The following COCH variants were observed in gnomAD, a reference collection of about 807,000 sequenced individuals.
The protein encoded by COCH is cochlin.
Under a neutral mutation model 54.8 loss-of-function variants are expected in COCH, and 40 were observed. The ratio of observed to expected loss-of-function variants is 0.73; its 90% CI spans 0.57 to 0.95. The LOEUF (loss-of-function observed/expected upper bound fraction) is 0.95. Among genes scored for constraint, COCH ranks in the 40% least tolerant of loss-of-function variants. The pLI is 0.00. For missense variants in COCH, 605 were observed against 675.0 expected (o/e 0.90, Z 1.15); for synonymous variants, 256 against 237.9 (o/e 1.08, Z -0.70).
downstream of COCH, chr14:30,894,800 G>A (rs1896083218): frequency 6.4e-6 from 2 of 311,304 alleles, no homozygotes; most frequent in Non-Finnish European, 5.6e-6. Context: ...GTTGTGACAG[G>A]CTAAATATAT....
intron 3 of COCH, chr14:30,875,939 G>C (rs1433830058): frequency 2.0e-5 from 3 of 152,114 alleles, no homozygotes; most frequent in South Asian, 2.1e-4. Context: ...TTAGGGGTAA[G>C]GATTTTAACC....
downstream of COCH, chr14:30,894,050 C>T (rs1318129784): frequency 2.0e-5 from 3 of 152,376 alleles, no homozygotes; most frequent in Non-Finnish European, 4.4e-5. Context: ...AAAAGTTTCT[C>T]GGAAGACTAG....
At chr14:30,883,246 T>C (rs181000890) in intron 8 of COCH, among the ~76,000 whole-genome samples, 3 of 152,304 alleles carry the variant, frequency 2.0e-5, no homozygotes, top group East Asian at 3.9e-4. Flanking sequence ...ATTATCACAG[T>C]TTTATTGCAC....
intron 3 of COCH, chr14:30,875,638 GA>G: frequency 5.6e-6 from 1 of 177,058 alleles, no homozygotes; most frequent in Non-Finnish European, 1.1e-5. Flanking sequence ...CTACACGCTA[GA>G]GAGTTTAAAA....
At chr14:30,883,429 C>G (rs1255446055) in intron 8 of COCH, among the ~76,000 whole-genome samples, 1 of 152,082 alleles carries the variant, frequency 6.6e-6, no homozygotes, top group Non-Finnish European at 1.5e-5. Flanking sequence ...TAAACCATGT[C>G]AAGTTTATAT....
chr14:30,879,884 A>C (rs2138848503), intron 6 of COCH, among the ~76,000 whole-genome samples: 1 of 152,082 alleles, frequency 6.6e-6, no homozygotes, highest in Middle Eastern at 3.4e-3. Context: ...GCTGGTTTTG[A>C]ACTCCTGACC....
chr14:30,887,535 T>A (rs1045585036), intron 11 of COCH, among the ~76,000 whole-genome samples: 1 of 152,226 alleles, frequency 6.6e-6, no homozygotes, highest in Admixed American at 6.5e-5. Context: ...ACAGGCCTCG[T>A]TCCTGAAGAC....
chr14:30,882,657 T>C (rs1387567931), intron 8 of COCH, among the ~76,000 whole-genome samples: 1 of 152,242 alleles, frequency 6.6e-6, no homozygotes, highest in African/African-American at 2.4e-5. Flanking sequence ...ATATCATCTT[T>C]GTGCCCATCT....
At chr14:30,879,006 T>A in intron 5 of COCH, 62 bp downstream of exon 5, 1 of 1,598,698 alleles carries the variant, frequency 6.3e-7, no homozygotes, top group Non-Finnish European at 8.5e-7. Context: ...TTTTCTGCTT[T>A]TTTTAGCTCA....
Position 30,889,975 on chromosome 14 carries a change from T to C in COCH, c.*184T>C, listed in dbSNP as rs368151461. The C allele has an allele frequency of 7.4e-7, 1 of 1,354,310 alleles. No homozygotes were observed. 83.9% of individuals were successfully genotyped at this position (1,354,310 alleles called of 1,614,324 possible). ...TGCCTTCTGGTTACAATTTACAGTG[T>C]ACTTTGTTAAAAACACTGCTGAGGC... On this transcript the variant is annotated 3_prime_UTR_variant, in exon 12 of 12. Coordinates refer to ENST00000396618, the MANE Select transcript of COCH (RefSeq NM_004086.3).
chr14:30,892,014 G>A (rs1243048700), downstream of COCH, among the ~76,000 whole-genome samples: 2 of 152,182 alleles, frequency 1.3e-5, no homozygotes, highest in Non-Finnish European at 2.9e-5. Context: ...AAGTTACCTA[G>A]TTTGAAATAA....
intron 8 of COCH, among the ~76,000 whole-genome samples, chr14:30,884,291 T>A (rs964885454): frequency 3.3e-5 from 5 of 152,234 alleles, no homozygotes; most frequent in Non-Finnish European, 7.3e-5. Context: ...AGAGCTATGA[T>A]GAAATGAGGT....
At position 30,885,796 on chromosome 14, in the gene COCH, GCTGT is replaced by G. The variant is rs1895768254; in HGVS notation, c.967_970del (p.Cys323GlyfsTer20). 1 of 1,613,756 alleles carries G rather than the reference GCTGT, an allele frequency of 6.2e-7. No individual in the cohort carries two copies. The highest frequency in any genetic ancestry group is 1.3e-5 in the African/African-American group (1 of 74,882). ...ATCTTTTATGTGTCTCCCCCATTAGGCTGTCTGTCGGAATAATGGCTTCTTCTCT... is the reference window on the plus strand; with the variant it reads ...ATCTTTTATGTGTCTCCCCCATTAGGCTGTCGGAATAATGGCTTCTTCTCT... On this transcript the variant is annotated frameshift_variant and splice_region_variant, in exon 11 of 12. Transcript: ENST00000396618. LOFTEE classifies it high-confidence loss of function.
chr14:30,880,578 T>C lies in COCH; in HGVS notation c.482-9T>C. The C allele has an allele frequency of 6.2e-7, 1 of 1,614,146 alleles. No homozygotes were observed. Among genetic ancestry groups the C allele is most frequent in the Non-Finnish European group, 8.5e-7 (1 of 1,180,020 alleles). Reference sequence around the variant, plus strand: ...CTGCTAATGAGGGGACTGGTTTGGTTGTTCGCAGATTGTAAAGCAGACATT... The same window carrying C: ...CTGCTAATGAGGGGACTGGTTTGGTCGTTCGCAGATTGTAAAGCAGACATT... On this transcript the variant is annotated splice_polypyrimidine_tract_variant and intron_variant, in intron 7 of 11. Transcript: ENST00000396618.
Position 30,877,504 on chromosome 14 carries a change from T to C in COCH, c.83-68T>C. On this transcript the variant is annotated intron_variant, in intron 3 of 11. Transcript: ENST00000396618. The surrounding 1 kb of genome is among the most constrained non-coding windows in gnomAD (Gnocchi z 8.6). ...GAAGTAAAACTTAAATCTCACACTGTAGTCTCCCCACCACTATGCCCCAAG... is the reference window on the plus strand; with the variant it reads ...GAAGTAAAACTTAAATCTCACACTGCAGTCTCCCCACCACTATGCCCCAAG... The C allele has an allele frequency of 6.3e-7, 1 of 1,583,474 alleles. No homozygotes were observed.
chr14:30,875,715 G>T (rs1208376299), intron 3 of COCH: 2 of 168,604 alleles, frequency 1.2e-5, no homozygotes, highest in African/African-American at 4.7e-5. Flanking sequence ...AGTGTAAAAG[G>T]CAACGCTTTC....
At chr14:30,882,664 ATC>A (rs28400039) in intron 8 of COCH, among the ~76,000 whole-genome samples, 50 of 152,294 alleles carry the variant, frequency 3.3e-4, no homozygotes, top group African/African-American at 1.2e-3. Context: ...CTTTGTGCCC[ATC>A]TCTGATTATT....
Position 30,885,555 on chromosome 14 carries a change from GT to G in COCH, c.898del (p.Ser300LeufsTer44). ...AREFGVNVFI[V>X]SVAKPIPEEL... is the part of the protein sequence containing the mutation. The stretch of plus-strand genomic sequence containing the variant: ...AGAGTTTGGTGTCAATGTATTTATA[GT>G]TTCTGTGGCCAAGCCTATCCCTGAA... On this transcript the variant is annotated frameshift_variant, in exon 10 of 12. Coordinates refer to ENST00000396618, the MANE Select transcript of COCH (RefSeq NM_004086.3). LOFTEE classifies it high-confidence loss of function. 1 of 1,613,546 alleles carries G rather than the reference GT, an allele frequency of 6.2e-7. No homozygotes were observed. The highest frequency in any genetic ancestry group is 8.5e-7 in the Non-Finnish European group (1 of 1,179,454).
intron 3 of COCH, among the ~76,000 whole-genome samples, chr14:30,876,887 C>A (rs1319568567): frequency 1.3e-5 from 2 of 151,992 alleles, no homozygotes; most frequent in Non-Finnish European, 2.9e-5. Flanking sequence ...CAAGCTTGAA[C>A]TCCCGGGCTC....
Sources: allele counts gnomAD v4.1 joint callset (sites outside exome capture counted in the v4.1 genomes callset), GRCh38; gene constraint gnomAD v4.1.1; non-coding constraint Gnocchi (gnomAD v3.1); transcripts MANE v1.5; gene names NCBI Gene and HGNC (gene_info 2026-07-23, HGNC 2026-07-21).